The following RAB27A variants were observed in gnomAD, a reference collection of about 807,000 sequenced individuals.
The protein encoded by RAB27A is RAB27A, member RAS oncogene family.
Under a neutral mutation model 20.8 loss-of-function variants are expected in RAB27A, and 17 were observed. That is an observed-to-expected ratio of 0.82 (90% CI 0.56 to 1.23). The LOEUF (loss-of-function observed/expected upper bound fraction) is 1.23, where lower values mean the gene tolerates loss of function less well. Among genes scored for constraint, RAB27A ranks in the 50% most tolerant of loss-of-function variants. The pLI is 0.00. For synonymous variants in RAB27A, 85 were observed against 92.8 expected (o/e 0.92, Z 0.48); for missense variants, 277 against 266.7 (o/e 1.04, Z -0.27).
intron 2 of RAB27A, among the ~76,000 whole-genome samples, chr15:55,239,635 A>G (rs1216938237): frequency 6.6e-6 from 1 of 152,124 alleles, no homozygotes; most frequent in Admixed American, 6.6e-5. Context: ...ATTTTACCTG[A>G]AAGACCTGGC....
intron 2 of RAB27A, among the ~76,000 whole-genome samples, chr15:55,245,244 T>C (rs976064891): frequency 6.6e-6 from 1 of 152,204 alleles, no homozygotes; most frequent in Non-Finnish European, 1.5e-5. Context: ...AGACAGCCTA[T>C]GTCTTCCGTG....
At chr15:55,300,387 G>A (rs180808493) in intron 2 of RAB27A, among the ~76,000 whole-genome samples, 1 of 152,102 alleles carries the variant, frequency 6.6e-6, no homozygotes, top group Non-Finnish European at 1.5e-5. Context: ...AAGACAAAAG[G>A]GGTGTTTCTT....
chr15:55,250,125 G>T (rs1896833227), intron 2 of RAB27A, among the ~76,000 whole-genome samples: 1 of 151,900 alleles, frequency 6.6e-6, no homozygotes, highest in African/African-American at 2.4e-5. Context: ...ACCACGCCCA[G>T]CTAATTTTTG....
At chr15:55,311,538 T>G (rs905659471) in intron 2 of RAB27A, among the ~76,000 whole-genome samples, 2 of 152,172 alleles carry the variant, frequency 1.3e-5, no homozygotes, top group African/African-American at 4.8e-5. Flanking sequence ...TCTGAGGGCT[T>G]CCCGTAGGGC....
At chr15:55,299,525 C>G (rs895243268) in intron 2 of RAB27A, among the ~76,000 whole-genome samples, 4 of 149,420 alleles carry the variant, frequency 2.7e-5, no homozygotes, top group African/African-American at 9.9e-5. Context: ...ACCCAGGAGG[C>G]TGAGTTGCAG....
chr15:55,297,406 G>A (rs1483316614), intron 2 of RAB27A, among the ~76,000 whole-genome samples: 1 of 152,248 alleles, frequency 6.6e-6, no homozygotes, highest in Non-Finnish European at 1.5e-5. Flanking sequence ...CCTCTCCTTT[G>A]TGCTCTCCTA....
chr15:55,272,977 A>C (rs1897751725), intron 1 of RAB27A, among the ~76,000 whole-genome samples: 1 of 152,234 alleles, frequency 6.6e-6, no homozygotes, highest in South Asian at 2.1e-4. Context: ...CATCTGCTTA[A>C]AAAGCAGCTC....
In RAB27A at chr15:55,261,709, CAAAAAAAAAAAAAA is replaced by C. The variant is rs768256540; in HGVS notation, c.-23+8442_-23+8455del. On this transcript the variant is annotated intron_variant, in intron 2 of 6. Coordinates refer to ENST00000336787, the MANE Select transcript of RAB27A (RefSeq NM_183235.3). ...TGAGCCGAGATCACTCACTGCATCT[CAAAAAAAAAAAAAA>C]AAAAAAAAAAAAGCATCTTTTTGAA... Among the ~76,000 whole-genome samples, 126 of 18,658 alleles carry C rather than the reference CAAAAAAAAAAAAAA, an allele frequency of 6.8e-3. 1 individual carries two copies. Among genetic ancestry groups the C allele is most frequent in the Admixed American group, 0.028 (51 of 1,832 alleles). 12.2% of individuals were successfully genotyped at this position (18,658 alleles called of 152,430 possible). A position where few individuals can be genotyped will look rare whatever the true frequency, so the allele number is the denominator to read the frequency against.
intron 1 of RAB27A, among the ~76,000 whole-genome samples, chr15:55,284,315 G>C (rs900627998): frequency 6.6e-6 from 1 of 152,170 alleles, no homozygotes; most frequent in Non-Finnish European, 1.5e-5. Flanking sequence ...AAAATAAAAA[G>C]GGGTGAGGAA....
At chr15:55,280,062 C>T (rs1245815533) in intron 1 of RAB27A, among the ~76,000 whole-genome samples, 1 of 152,100 alleles carries the variant, frequency 6.6e-6, no homozygotes, top group African/African-American at 2.4e-5. Flanking sequence ...GTTACTGGTC[C>T]TAATCTGACA....
intron 2 of RAB27A, among the ~76,000 whole-genome samples, chr15:55,259,630 T>C (rs986210517): frequency 3.3e-5 from 5 of 152,232 alleles, no homozygotes; most frequent in African/African-American, 4.8e-5. Context: ...TTTTATATTA[T>C]GTTTATAAAG....
chr15:55,271,862 A>G (rs999908443), intron 1 of RAB27A, among the ~76,000 whole-genome samples: 10 of 152,220 alleles, frequency 6.6e-5, no homozygotes, highest in Non-Finnish European at 1.3e-4. Flanking sequence ...ACCGGCCTCA[A>G]GAACTGTGGG....
intron 1 of RAB27A, chr15:55,317,631 ACTTTT>A (rs1298520276): frequency 3.0e-5 from 12 of 398,036 alleles, no homozygotes; most frequent in Admixed American, 1.3e-4. Flanking sequence ...TGTAGTATTA[ACTTTT>A]CTTCTCTTCT....
At chr15:55,257,402 C>G (rs1431117358) in intron 2 of RAB27A, among the ~76,000 whole-genome samples, 7 of 152,218 alleles carry the variant, frequency 4.6e-5, no homozygotes, top group African/African-American at 1.7e-4. Context: ...AGGGAACATG[C>G]TGTTAGTTCA....
chr15:55,261,574 C>CAA (rs112209083), intron 2 of RAB27A, among the ~76,000 whole-genome samples: 23 of 116,856 alleles, frequency 2.0e-4, no homozygotes, highest in African/African-American at 3.9e-4. Flanking sequence ...CTAAAAATAC[C>CAA]AAAAAAAAAA....
chr15:55,314,316 G>A (rs935182555), intron 1 of RAB27A, among the ~76,000 whole-genome samples: 4 of 152,110 alleles, frequency 2.6e-5, no homozygotes, highest in African/African-American at 9.7e-5. Flanking sequence ...TACATTTATA[G>A]ATCTCATTGA....
At chr15:55,263,586 T>TCC (rs1897352115) in intron 2 of RAB27A, among the ~76,000 whole-genome samples, 1 of 152,208 alleles carries the variant, frequency 6.6e-6, no homozygotes, top group South Asian at 2.1e-4. Context: ...GGCACTAGAT[T>TCC]ATAAAAATGC....
intron 2 of RAB27A, among the ~76,000 whole-genome samples, chr15:55,248,046 GCC>G (rs1312753092): frequency 2.7e-5 from 4 of 150,416 alleles, no homozygotes; most frequent in Admixed American, 6.7e-5. Context: ...CCATTCTCCT[GCC>G]TCAGCCTCCC....
intron 2 of RAB27A, among the ~76,000 whole-genome samples, chr15:55,266,129 G>C (rs1222039203): frequency 6.6e-6 from 1 of 152,204 alleles, no homozygotes; most frequent in African/African-American, 2.4e-5. Flanking sequence ...CAGGTCTTTG[G>C]GAAGTAATTA....
Sources: allele counts gnomAD v4.1 joint callset (sites outside exome capture counted in the v4.1 genomes callset), GRCh38; gene constraint gnomAD v4.1.1; transcripts MANE v1.5; gene names NCBI Gene and HGNC (gene_info 2026-07-23, HGNC 2026-07-21).